TLK1: variants seen among roughly 807,000 people sequenced by gnomAD.
TLK1 encodes tousled like kinase 1.
A neutral mutation model predicts 105.3 loss-of-function variants in TLK1; 24 were observed. The ratio of observed to expected loss-of-function variants is 0.23; its 90% CI spans 0.17 to 0.32. TLK1 has a LOEUF of 0.32. TLK1 is among the 10% of genes least tolerant of loss of function. The pLI is 1.00. For missense variants in TLK1, 558 were observed against 910.5 expected (o/e 0.61, Z 4.98); for synonymous variants, 321 against 310.4 (o/e 1.03, Z -0.36).
At chr2:171,082,414 C>G (rs1688796036) in intron 3 of TLK1, among the ~76,000 whole-genome samples, 1 of 151,938 alleles carries the variant, frequency 6.6e-6, no homozygotes, top group African/African-American at 2.4e-5. Flanking sequence ...CAAACTCTTA[C>G]TAAGGATCAA....
At chr2:171,000,655 G>T (rs1483547304) in intron 18 of TLK1, among the ~76,000 whole-genome samples, 2 of 152,124 alleles carry the variant, frequency 1.3e-5, no homozygotes, top group East Asian at 1.9e-4. Context: ...TCTCAGGGGT[G>T]ACGGGGGAAG....
At chr2:171,105,044 G>C (rs1486047487) in intron 2 of TLK1, among the ~76,000 whole-genome samples, 1 of 152,118 alleles carries the variant, frequency 6.6e-6, no homozygotes, top group Non-Finnish European at 1.5e-5. Flanking sequence ...CCCAAACTAT[G>C]AAACTACTAG....
At chr2:171,014,444 C>T (rs1052218020) in intron 13 of TLK1, among the ~76,000 whole-genome samples, 9 of 151,928 alleles carry the variant, frequency 5.9e-5, no homozygotes, top group African/African-American at 1.7e-4. Flanking sequence ...AAGCAATCCT[C>T]CTACCTGAGC....
At chr2:171,010,008 C>T (rs1684830785) in intron 14 of TLK1, among the ~76,000 whole-genome samples, 1 of 152,134 alleles carries the variant, frequency 6.6e-6, no homozygotes, top group Admixed American at 6.5e-5. Flanking sequence ...CTGGGGCTTT[C>T]AAGTAGGACA....
chr2:171,055,055 A>T (rs1687430425), intron 7 of TLK1, 28 bp downstream of exon 7: 3 of 1,328,194 alleles, frequency 2.3e-6, no homozygotes, highest in African/African-American at 1.5e-5. Context: ...TAGAAGCCAT[A>T]GAAAAAAACA....
intron 1 of TLK1, among the ~76,000 whole-genome samples, chr2:171,201,898 CATCTATCTATCTATCT>C (rs3081728): frequency 9.4e-5 from 14 of 148,294 alleles, no homozygotes; most frequent in South Asian, 2.2e-4. Context: ...TATCAGCTAT[CATCTATCTATCTATCT>C]ATCTATCTAT....
At chr2:171,209,136 G>A (rs767492057) in intron 1 of TLK1, among the ~76,000 whole-genome samples, 11 of 152,142 alleles carry the variant, frequency 7.2e-5, no homozygotes, top group African/African-American at 1.9e-4. Flanking sequence ...GCAGCACAGC[G>A]TAAATAGTGT....
At chr2:171,222,987 G>C (rs1230050683) in intron 1 of TLK1, among the ~76,000 whole-genome samples, 1 of 151,900 alleles carries the variant, frequency 6.6e-6, no homozygotes, top group Non-Finnish European at 1.5e-5. Context: ...ACTAATTTTT[G>C]TATTTTTAGT....
chr2:170,996,519 C>T, intron 20 of TLK1, 134 bp downstream of exon 20: 2 of 567,100 alleles, frequency 3.5e-6, no homozygotes, highest in Non-Finnish European at 5.9e-6. Flanking sequence ...AAGTAAATCA[C>T]CAGCCCCTGC....
chr2:171,003,499 G>C (rs1431977712), intron 18 of TLK1, among the ~76,000 whole-genome samples: 2 of 152,060 alleles, frequency 1.3e-5, no homozygotes, highest in Non-Finnish European at 2.9e-5. Context: ...TGCTCCTTGA[G>C]AGCACTTCCA....
intron 1 of TLK1, among the ~76,000 whole-genome samples, chr2:171,195,415 A>G (rs1693250651): frequency 6.7e-6 from 1 of 148,760 alleles, no homozygotes; most frequent in Non-Finnish European, 1.5e-5. Flanking sequence ...AGGCAGGAGA[A>G]TGGCGTGAAC....
At chr2:171,003,252 C>G (rs572730375) in intron 18 of TLK1, among the ~76,000 whole-genome samples, 2 of 115,632 alleles carry the variant, frequency 1.7e-5, no homozygotes, top group Admixed American at 2.4e-4. Flanking sequence ...CCAGCCTGGG[C>G]GACAGAGCAA....
intron 11 of TLK1, among the ~76,000 whole-genome samples, chr2:171,035,584 A>C (rs1207471804): frequency 6.6e-6 from 1 of 152,204 alleles, no homozygotes; most frequent in African/African-American, 2.4e-5. Flanking sequence ...TGATATGCAA[A>C]ATAATGGCCA....
In TLK1 at chr2:171,049,849, T is replaced by G. The variant is rs1366929279; in HGVS notation, c.945A>C (p.Gln315His). ...TCTGAAATGCAAAACCATCTGTCCA[T>G]TGTTCAGTAAATGAAGCGCCATGTC... Reference protein sequence around the residue: ...TVRHGASFTEQWTDGFAFQNL... With the variant: ...TVRHGASFTEHWTDGFAFQNL... Residue 315 changes from glutamine (Q) to histidine (H), a missense_variant, in exon 10 of 21, where the codon CAA (glutamine) becomes CAC (histidine). By Grantham distance (24) the Gln-to-His change is conservative (BLOSUM62 0). Coordinates refer to ENST00000431350, the MANE Select transcript of TLK1 (RefSeq NM_012290.5). 6.2e-7 allele frequency: 1 copy of G among 1,613,846 alleles called. No homozygotes were observed. Among genetic ancestry groups the G allele is most frequent in the Admixed American group, 1.7e-5 (1 of 60,002 alleles).
intron 1 of TLK1, among the ~76,000 whole-genome samples, chr2:171,200,651 A>G (rs143416397): frequency 6.6e-6 from 1 of 152,288 alleles, no homozygotes; most frequent in East Asian, 1.9e-4. Context: ...TCAAGGCTAT[A>G]GTGTGCCATG....
chr2:171,064,753 T>G (rs1454717063), intron 3 of TLK1, among the ~76,000 whole-genome samples: 1 of 152,212 alleles, frequency 6.6e-6, no homozygotes, highest in Non-Finnish European at 1.5e-5. Flanking sequence ...ACTAGTACAC[T>G]TTAAACCAAG....
chr2:171,002,944 C>T (rs376658137), intron 18 of TLK1, among the ~76,000 whole-genome samples: 1 of 151,784 alleles, frequency 6.6e-6, no homozygotes, highest in Non-Finnish European at 1.5e-5. Context: ...TGCACGGCTT[C>T]CATTTTCAAT....
intron 4 of TLK1, 116 bp downstream of exon 4, chr2:171,060,965 C>G (rs1687722212): frequency 9.8e-7 from 1 of 1,019,302 alleles, no homozygotes; most frequent in African/African-American, 1.6e-5. Flanking sequence ...TACCTGTGCA[C>G]ACACCAAAAT....
At chr2:171,134,488 T>G (rs2105563204) in intron 1 of TLK1, among the ~76,000 whole-genome samples, 1 of 152,268 alleles carries the variant, frequency 6.6e-6, no homozygotes, top group African/African-American at 2.4e-5. Context: ...TGAACAGACA[T>G]TTCTCCAGAG....
Sources: allele counts gnomAD v4.1 joint callset (sites outside exome capture counted in the v4.1 genomes callset), GRCh38; gene constraint gnomAD v4.1.1; transcripts MANE v1.5; gene names NCBI Gene and HGNC (gene_info 2026-07-23, HGNC 2026-07-21).